Variants in ST6GALNAC3 observed in about 807,000 individuals in gnomAD.
ST6GALNAC3 encodes alpha-N-acetylgalactosaminide alpha-2,6-sialyltransferase 3.
In ST6GALNAC3, 25 loss-of-function variants were observed where a neutral mutation model predicts 32.7. The observed-to-expected ratio is 0.76, with a 90% CI of 0.56 to 1.07. The LOEUF is 1.07. Ranked by LOEUF, ST6GALNAC3 falls within the 50% of genes least tolerant of loss-of-function variation. The pLI is 0.00. For synonymous variants in ST6GALNAC3, 129 were observed against 133.1 expected, an observed-to-expected ratio of 0.97 and a Z score of 0.21; for missense variants, 355 against 382.4, an observed-to-expected ratio of 0.93 and a Z score of 0.60.
intron 1 of ST6GALNAC3, among the ~76,000 whole-genome samples, chr1:76,132,323 A>G (rs1188010261): frequency 2.0e-5 from 3 of 152,172 alleles, no homozygotes; most frequent in African/African-American, 7.2e-5. Flanking sequence ...GGGAAACTCC[A>G]GCAGCAGCTT....
In ST6GALNAC3 at chr1:76,629,522, T is replaced by A. The variant is rs1023457929; in HGVS notation, c.*716T>A. On this transcript the variant is annotated 3_prime_UTR_variant, in exon 5 of 5. Coordinates refer to ENST00000328299, the MANE Select transcript of ST6GALNAC3 (RefSeq NM_152996.4). Reference sequence around the variant, plus strand: ...CCATCCATTCTTACTACCAACAGTATAACTGAACATGTGATTAGAATGATC... The same window carrying A: ...CCATCCATTCTTACTACCAACAGTAAAACTGAACATGTGATTAGAATGATC... 3.0e-6 allele frequency: 3 copies of A among 984,910 alleles called. No individual in the cohort carries two copies. The African/African-American group carries it at 5.2e-5, about 17-fold the overall frequency. The allele number at this position is 984,910 out of a possible 1,614,324, so 61.0% of individuals were successfully genotyped here. A position where few individuals can be genotyped will look rare whatever the true frequency, so the allele number is the denominator to read the frequency against.
intron 1 of ST6GALNAC3, among the ~76,000 whole-genome samples, chr1:76,277,232 A>G (rs1006182931): frequency 6.6e-6 from 1 of 151,878 alleles, no homozygotes; most frequent in African/African-American, 2.4e-5. Context: ...CTCCAACCTC[A>G]TATATATTTG....
rs538298260 is a variant in ST6GALNAC3 at position 76,251,217 on chromosome 1, A to T, written c.19-62588A>T. On this transcript the variant is annotated intron_variant, in intron 1 of 4. Transcript: ENST00000328299. Reference sequence around the variant, plus strand: ...GCATGTCACTAGTTTTAGTCCATTTACGTGACTTCCTTTCTATTCCCACTC... The same window carrying T: ...GCATGTCACTAGTTTTAGTCCATTTTCGTGACTTCCTTTCTATTCCCACTC... Among the ~76,000 whole-genome samples the T allele has an allele frequency of 3.3e-5, 5 of 152,286 alleles. No individual in the cohort carries two copies. The South Asian group carries it at 8.3e-4, about 25-fold the overall frequency.
chr1:76,416,571 A>G (rs374362594), intron 3 of ST6GALNAC3, among the ~76,000 whole-genome samples: 1 of 151,366 alleles, frequency 6.6e-6, no homozygotes, highest in South Asian at 2.1e-4. Context: ...AAAAAAAAAT[A>G]TAGCCCTTCC....
intron 3 of ST6GALNAC3, among the ~76,000 whole-genome samples, chr1:76,521,961 C>T (rs1245867457): frequency 1.3e-5 from 2 of 151,816 alleles, no homozygotes; most frequent in African/African-American, 2.4e-5. Context: ...CCCAGCTACT[C>T]GGGAGGCTGA....
chr1:76,586,599 A>G (rs565710858), intron 3 of ST6GALNAC3, among the ~76,000 whole-genome samples: 210 of 152,350 alleles, frequency 1.4e-3, no homozygotes, highest in African/African-American at 4.9e-3. Flanking sequence ...TTTTAAACTC[A>G]GGTTAAAGTA....
intron 1 of ST6GALNAC3, among the ~76,000 whole-genome samples, chr1:76,194,162 G>T (rs1029962809): frequency 1.3e-5 from 2 of 152,090 alleles, no homozygotes; most frequent in African/African-American, 4.8e-5. Flanking sequence ...GAACAAGCTG[G>T]GGCAAGGTTG....
chr1:76,156,872 C>CA (rs1204561599), intron 1 of ST6GALNAC3, among the ~76,000 whole-genome samples: 1 of 152,232 alleles, frequency 6.6e-6, no homozygotes, highest in African/African-American at 2.4e-5. Flanking sequence ...GCTGGGACTA[C>CA]AGGCGCCCGC....
chr1:76,362,547 T>C (rs991015893), intron 2 of ST6GALNAC3, among the ~76,000 whole-genome samples: 1 of 152,228 alleles, frequency 6.6e-6, no homozygotes, highest in East Asian at 1.9e-4. Context: ...TCATACTTTC[T>C]GCCTATGAGC....
intron 3 of ST6GALNAC3, among the ~76,000 whole-genome samples, chr1:76,544,051 G>A (rs1664147622): frequency 6.7e-6 from 1 of 148,286 alleles, no homozygotes; most frequent in Non-Finnish European, 1.5e-5. Flanking sequence ...GTCTAGTGGG[G>A]GAGATAGTCA....
intron 3 of ST6GALNAC3, among the ~76,000 whole-genome samples, chr1:76,602,865 A>C (rs1247931310): frequency 6.6e-6 from 1 of 152,156 alleles, no homozygotes. Flanking sequence ...AGCATAAAGC[A>C]CACCTAAAAA....
At chr1:76,272,323 G>A (rs1185914571) in intron 1 of ST6GALNAC3, among the ~76,000 whole-genome samples, 1 of 47,144 alleles carries the variant, frequency 2.1e-5, no homozygotes, top group African/African-American at 5.0e-5. Flanking sequence ...ACTCAGTCTC[G>A]GAAAAAAAAA....
chr1:76,096,299 C>G (rs1231807848), intron 1 of ST6GALNAC3, among the ~76,000 whole-genome samples: 2 of 152,108 alleles, frequency 1.3e-5, no homozygotes, highest in Admixed American at 1.3e-4. Context: ...GTTTGCGAAC[C>G]TGGCAAGCCT....
chr1:76,628,510 T>A, intron 4 of ST6GALNAC3, 110 bp from the exon 5 acceptor site: 1 of 1,004,704 alleles, frequency 1.0e-6, no homozygotes, highest in South Asian at 1.9e-5. Flanking sequence ...AAGAATCATG[T>A]ATGGGTTTGT....
intron 1 of ST6GALNAC3, among the ~76,000 whole-genome samples, chr1:76,257,805 G>C (rs1428530230): frequency 1.3e-5 from 2 of 152,096 alleles, no homozygotes; most frequent in African/African-American, 4.8e-5. Context: ...CTGGAAAAAA[G>C]AATAGGATAG....
At chr1:76,214,136 C>T (rs1384143811) in intron 1 of ST6GALNAC3, among the ~76,000 whole-genome samples, 1 of 152,082 alleles carries the variant, frequency 6.6e-6, no homozygotes, top group Non-Finnish European at 1.5e-5. Context: ...CCCAATATGG[C>T]AGCCACTACT....
At chr1:76,264,194 C>T (rs1281511687) in intron 1 of ST6GALNAC3, among the ~76,000 whole-genome samples, 1 of 152,046 alleles carries the variant, frequency 6.6e-6, no homozygotes, top group East Asian at 1.9e-4. Context: ...TTAGAGCAAG[C>T]AGGGAAAGTG....
intron 3 of ST6GALNAC3, among the ~76,000 whole-genome samples, chr1:76,484,513 GCT>G (rs1215898083): frequency 6.6e-6 from 1 of 152,062 alleles, no homozygotes; most frequent in Non-Finnish European, 1.5e-5. Context: ...TCATGATTTG[GCT>G]CTCTGTTTGT....
intron 3 of ST6GALNAC3, among the ~76,000 whole-genome samples, chr1:76,508,377 G>A (rs764656487): frequency 2.0e-5 from 3 of 152,090 alleles, no homozygotes; most frequent in Non-Finnish European, 4.4e-5. Flanking sequence ...GACAGGTACC[G>A]GTCTGTGGCC....
Sources: gnomAD v4.1 joint callset for allele counts (sites outside exome capture counted in the v4.1 genomes callset) on GRCh38, gnomAD v4.1.1 for gene constraint, MANE v1.5 for transcripts, NCBI Gene and HGNC (gene_info 2026-07-23, HGNC 2026-07-21) for gene names.